ZNF695: variants seen among roughly 807,000 people sequenced by gnomAD.
The protein encoded by ZNF695 is zinc finger protein 695, also known as zinc finger protein SBZF3.
Under a neutral mutation model 11.2 loss-of-function variants are expected in ZNF695, and 11 were observed. The ratio of observed to expected loss-of-function variants is 0.98; its 90% CI spans 0.62 to 1.62. The LOEUF (loss-of-function observed/expected upper bound fraction) is 1.62, where lower values mean the gene tolerates loss of function less well. ZNF695 is among the 40% of genes most tolerant of loss of function. The probability of loss-of-function intolerance (pLI) is 0.00; values close to 1 mark genes in which losing one functional copy is unlikely to be tolerated. For synonymous variants in ZNF695, 190 were observed against 201.4 expected, an observed-to-expected ratio of 0.94 and a Z score of 0.48; for missense variants, 559 against 590.5, an observed-to-expected ratio of 0.95 and a Z score of 0.55.
At chr1:246,946,905 G>T (rs1667747184) in intron 5 of ZNF695, among the ~76,000 whole-genome samples, 1 of 152,124 alleles carries the variant, frequency 6.6e-6, no homozygotes, top group East Asian at 1.9e-4. Context: ...ACTTTGGAAG[G>T]CCAAGGCAGG....
intron 5 of ZNF695, among the ~76,000 whole-genome samples, chr1:246,950,965 C>A (rs989364256): frequency 1.3e-5 from 2 of 152,166 alleles, no homozygotes; most frequent in African/African-American, 4.8e-5. Context: ...GTCATGTCAA[C>A]TTGTTTACTA....
intron 4 of ZNF695, among the ~76,000 whole-genome samples, chr1:246,974,439 G>C (rs571151222): frequency 6.6e-6 from 1 of 152,188 alleles, no homozygotes; most frequent in South Asian, 2.1e-4. Flanking sequence ...AAAAACAAGA[G>C]AGGCAAAGAT....
At chr1:246,996,110 C>T (rs1383845109) in intron 3 of ZNF695, 1 of 438,188 alleles carries the variant, frequency 2.3e-6, no homozygotes, top group Non-Finnish European at 4.6e-6. Context: ...CTTTGGGAGG[C>T]CAAGGCAGGT....
chr1:246,999,000 ATATATATATATATATATG>A (rs1669286494), intron 3 of ZNF695, among the ~76,000 whole-genome samples: 2 of 25,056 alleles, frequency 8.0e-5, no homozygotes, highest in African/African-American at 2.7e-4. Context: ...ATATATATAT[ATATATATATATATATATG>A]AGCATAGAGT....
Position 246,988,136 on chromosome 1 carries a change from C to A in ZNF695, c.379G>T (p.Asp127Tyr). 2 of 1,613,846 alleles carry A rather than the reference C, an allele frequency of 1.2e-6. No homozygotes were observed. The highest frequency in any genetic ancestry group is 1.7e-6 in the Non-Finnish European group (2 of 1,179,838). ...TTCCACTCACCCACAATTTCCCAGTCATTCCTTAAGCGTAATTTCTCAAGA... is the reference window on the plus strand; with the variant it reads ...TTCCACTCACCCACAATTTCCCAGTAATTCCTTAAGCGTAATTTCTCAAGA... The part of the protein sequence containing the change: ...CCLEKLRLRN[D>Y]WEIVGEWKGQ... The change falls in exon 4 of 4, where the codon GAC becomes TAC. Residue 127 changes from aspartate (D) to tyrosine (Y), a missense_variant. Transcript: ENST00000339986.
At chr1:246,968,198 G>C (rs528856750) in intron 4 of ZNF695, 1 of 152,178 alleles carries the variant, frequency 6.6e-6, no homozygotes, top group Non-Finnish European at 1.5e-5. Context: ...ATACAATAAG[G>C]GTACAGGCAT....
chr1:246,987,263 T>C lies in ZNF695; in HGVS notation c.1252A>G (p.Thr418Ala). Residue 418 changes from threonine to alanine, a missense_variant, in exon 4 of 4, where the codon ACC (threonine) becomes GCC (alanine). By Grantham distance (58) the Thr-to-Ala change is moderately conservative. Coordinates refer to ENST00000339986, the MANE Select transcript of ZNF695 (RefSeq NM_020394.5). ...YKCEECGKAFTWFSYLTQHKR... is the reference protein window; with the variant it reads ...YKCEECGKAFAWFSYLTQHKR... ...TGTTGAGTAAGGTATGAAAACCAGG[T>C]AAAAGCTTTGCCACATTCCTCACAT... is the stretch of plus-strand genomic sequence containing the variant. 1.2e-6 allele frequency: 2 copies of C among 1,613,972 alleles called. No homozygotes were observed. Among genetic ancestry groups the C allele is most frequent in the Non-Finnish European group, 1.7e-6 (2 of 1,179,980 alleles).
chr1:246,972,582 G>A (rs193230006), intron 4 of ZNF695, among the ~76,000 whole-genome samples: 6 of 152,266 alleles, frequency 3.9e-5, no homozygotes, highest in East Asian at 3.9e-4. Flanking sequence ...AGTAAATGGC[G>A]TGATCTCGGC....
intron 4 of ZNF695, chr1:246,969,489 C>T (rs1184691166): frequency 6.6e-6 from 1 of 152,262 alleles, no homozygotes; most frequent in East Asian, 1.9e-4. Context: ...TAGGAAGTTC[C>T]AAACTTTTCC....
chr1:247,008,027 C>A lies in ZNF695; in HGVS notation c.-119G>T, dbSNP rs927600186. ...TCTCCGAGAGGCAGCAGACGGGAAC[C>A]CAGCACCCCGCCGGCCGCAAGGAGA... On this transcript the variant is annotated 5_prime_UTR_variant, in exon 1 of 4. Coordinates refer to ENST00000339986, the MANE Select transcript of ZNF695 (RefSeq NM_020394.5). The A allele has an allele frequency of 1.0e-4, 123 of 1,192,178 alleles. No homozygotes were observed. Among genetic ancestry groups the A allele is most frequent in the Non-Finnish European group, 1.3e-4 (118 of 907,192 alleles). The allele number at this position is 1,192,178 out of a possible 1,614,324, so 73.8% of individuals were successfully genotyped here.
At chr1:246,991,620 A>G (rs991463102) in intron 3 of ZNF695, among the ~76,000 whole-genome samples, 2 of 152,188 alleles carry the variant, frequency 1.3e-5, no homozygotes, top group African/African-American at 4.8e-5. Flanking sequence ...AAAGCCAGGC[A>G]ATAACAAATG....
Position 246,957,369 on chromosome 1 carries a change from C to T in ZNF695, c.488+10326G>A, listed in dbSNP as rs139708891. The stretch of plus-strand genomic sequence containing the variant: ...CTGCACTCCAGTCTGGGCAACACAG[C>T]GAAACTCCGTCTAAAAAAAAAAAAA... On this transcript the variant is annotated intron_variant, in intron 5 of 5. Coordinates refer to the ZNF695 transcript ENST00000487338. 7.5e-3 allele frequency among the ~76,000 whole-genome samples: 1,112 copies of T among 148,076 alleles called. 29 individuals are homozygous for T. The South Asian group carries it at 0.11, about 15-fold the overall frequency.
Position 246,987,705 on chromosome 1 carries a change from A to C in ZNF695, c.810T>G (p.Cys270Trp), listed in dbSNP as rs1252902270. 2.5e-6 allele frequency: 4 copies of C among 1,593,164 alleles called. No homozygotes were observed. Among genetic ancestry groups the C allele is most frequent in the Non-Finnish European group, 3.4e-6 (4 of 1,172,320 alleles). The change falls in exon 4 of 4, where the codon TGT becomes TGG. Residue 270 changes from cysteine to tryptophan, a missense_variant. Cys to Trp is a radical substitution (Grantham distance 215). Coordinates refer to ENST00000339986, the MANE Select transcript of ZNF695 (RefSeq NM_020394.5). ...KNHTEKKTYR[C>W]EECGKAFNLC... ...GGTTAAAAGCTTTGCCACATTCTTC[A>C]CATCTGTAGGTTTTCTTTTCAGTAT...
intron 5 of ZNF695, among the ~76,000 whole-genome samples, chr1:246,952,835 T>C (rs1365700829): frequency 1.3e-5 from 2 of 151,902 alleles, no homozygotes; most frequent in African/African-American, 2.4e-5. Flanking sequence ...TCCCAGCACT[T>C]TGGGAGGCTG....
chr1:246,951,202 T>C (rs2102998418), intron 5 of ZNF695, among the ~76,000 whole-genome samples: 1 of 152,208 alleles, frequency 6.6e-6, no homozygotes, highest in East Asian at 1.9e-4. Context: ...GTCTCTGTTA[T>C]GCGCTGAACT....
downstream of ZNF695, among the ~76,000 whole-genome samples, chr1:246,980,608 G>A (rs1668682880): frequency 1.3e-5 from 2 of 152,002 alleles, no homozygotes; most frequent in South Asian, 4.1e-4. Flanking sequence ...GGTAGAGACA[G>A]GGTTTCACCA....
chr1:246,993,411 A>AAAAC (rs369768085), intron 3 of ZNF695, among the ~76,000 whole-genome samples: 159 of 152,184 alleles, frequency 1.0e-3, no homozygotes, highest in African/African-American at 2.9e-3. Flanking sequence ...TCTGTCTCAA[A>AAAAC]AAACAAACAA....
At chr1:246,945,650 T>G, downstream of ZNF695, 1 of 757,756 alleles carries the variant, frequency 1.3e-6, no homozygotes, top group Non-Finnish European at 2.1e-6. Context: ...ACAATCTTCC[T>G]TTCATATTCA....
At chr1:246,978,905 G>C (rs1046458046) in intron 4 of ZNF695, among the ~76,000 whole-genome samples, 1 of 152,216 alleles carries the variant, frequency 6.6e-6, no homozygotes, top group African/African-American at 2.4e-5. Flanking sequence ...CTCCAGTGAA[G>C]ACAGTGGCCC....
Sources: allele counts gnomAD v4.1 joint callset (sites outside exome capture counted in the v4.1 genomes callset), GRCh38; gene constraint gnomAD v4.1.1; transcripts MANE v1.5; gene names NCBI Gene and HGNC (gene_info 2026-07-23, HGNC 2026-07-21).